Variants in ADD1 observed in about 807,000 individuals in gnomAD.
ADD1 encodes adducin 1, also known as alpha-adducin.
In ADD1, 24 loss-of-function variants were observed where a neutral mutation model predicts 80.5. That is an observed-to-expected ratio of 0.30 (90% CI 0.22 to 0.42). The LOEUF (loss-of-function observed/expected upper bound fraction) is 0.42. ADD1 is among the 10% of genes least tolerant of loss of function. The probability of loss-of-function intolerance (pLI) is 1.00; values close to 1 mark genes in which losing one functional copy is unlikely to be tolerated. For missense variants in ADD1, 948 were observed against 1,019.0 expected (o/e 0.93, Z 0.95); for synonymous variants, 373 against 393.8 (o/e 0.95, Z 0.63).
intron 8 of ADD1, 143 bp downstream of exon 8, chr4:2,898,674 T>G: frequency 4.1e-6 from 3 of 727,570 alleles, no homozygotes; most frequent in South Asian, 1.6e-5. Flanking sequence ...ATTTGGGACT[T>G]GATCAGGACA....
chr4:2,894,122 G>A (rs1734761462), intron 5 of ADD1, 29 bp downstream of exon 5: 1 of 1,555,692 alleles, frequency 6.4e-7, no homozygotes, highest in South Asian at 1.1e-5. Context: ...TTGGCAGCTT[G>A]TATGTGCAGG....
chr4:2,901,687 C>T (rs1235764558), intron 9 of ADD1: 2 of 152,152 alleles, frequency 1.3e-5, no homozygotes, highest in Non-Finnish European at 2.9e-5. Context: ...GTGGCTCACT[C>T]CTGTGATCCC....
Position 2,928,482 on chromosome 4 carries a change from CCGT to C in ADD1, c.2361_2363del (p.Ser788del). The C allele has an allele frequency of 6.2e-7, 1 of 1,613,794 alleles. No homozygotes were observed. The highest frequency in any genetic ancestry group is 1.1e-5 in the South Asian group (1 of 91,074). On this transcript the variant is annotated inframe_deletion, in exon 16 of 16. Transcript: ENST00000683351. Reference sequence around the variant, plus strand: ...CAAAAAGAAGAAGAAGTTCCGTACCCCGTCCTTTCTGAAGAAGAGCAAGAAGAA... The same window carrying C: ...CAAAAAGAAGAAGAAGTTCCGTACCCCCTTTCTGAAGAAGAGCAAGAAGAA...
chr4:2,928,034 T>C (rs1223301459), intron 15 of ADD1, 137 bp from the exon 16 acceptor site: 1 of 784,038 alleles, frequency 1.3e-6, no homozygotes, highest in Non-Finnish European at 2.1e-6. Flanking sequence ...GTAGACCATA[T>C]TTTAAGTTTC....
At chr4:2,866,390 G>C (rs1190818814) in intron 1 of ADD1, among the ~76,000 whole-genome samples, 1 of 152,186 alleles carries the variant, frequency 6.6e-6, no homozygotes, top group Non-Finnish European at 1.5e-5. Context: ...TGGCCAGGCT[G>C]GTCTCAAAGT....
chr4:2,871,143 T>C (rs1201916036), intron 1 of ADD1, among the ~76,000 whole-genome samples: 1 of 152,124 alleles, frequency 6.6e-6, no homozygotes, highest in Admixed American at 6.6e-5. Flanking sequence ...TAATTTTTTT[T>C]TGTATTTTTA....
chr4:2,847,131 A>C (rs1250617902), intron 1 of ADD1, among the ~76,000 whole-genome samples: 1 of 151,742 alleles, frequency 6.6e-6, no homozygotes, highest in Non-Finnish European at 1.5e-5. Context: ...AAAAACAAAA[A>C]CAAAAACAAA....
At chr4:2,903,173 C>T (rs943655120) in intron 9 of ADD1, among the ~76,000 whole-genome samples, 5 of 152,172 alleles carry the variant, frequency 3.3e-5, no homozygotes, top group Admixed American at 6.5e-5. Context: ...GCCAGCAGGG[C>T]ACAGGCCACT....
chr4:2,906,214 G>A (rs553058418), intron 10 of ADD1, among the ~76,000 whole-genome samples: 12 of 152,158 alleles, frequency 7.9e-5, no homozygotes, highest in Non-Finnish European at 5.9e-5. Context: ...GCTCCTGAGC[G>A]GCCGCGTCAC....
intron 13 of ADD1, among the ~76,000 whole-genome samples, chr4:2,910,960 A>G (rs1737918417): frequency 6.6e-6 from 1 of 152,040 alleles, no homozygotes; most frequent in Admixed American, 6.5e-5. Context: ...CTTGATCTTT[A>G]TCCCACTCTG....
intron 13 of ADD1, among the ~76,000 whole-genome samples, chr4:2,909,968 CAA>C (rs35681850): frequency 0.22 from 26,642 of 119,622 alleles, 2,691 homozygotes; most frequent in East Asian, 0.51. Flanking sequence ...ATTTGTACCT[CAA>C]AAAAAAAAAA....
intron 14 of ADD1, among the ~76,000 whole-genome samples, chr4:2,918,927 C>T (rs1433286982): frequency 6.6e-6 from 1 of 151,868 alleles, no homozygotes; most frequent in East Asian, 1.9e-4. Flanking sequence ...TCTTGGTTCA[C>T]TGCAACCTCC....
chr4:2,900,182 GA>G (rs1468295836), intron 9 of ADD1: 1 of 153,456 alleles, frequency 6.5e-6, no homozygotes, highest in East Asian at 1.9e-4. Context: ...CACAGCTGCA[GA>G]CAATGGGAGT....
At chr4:2,911,721 G>A (rs1034891089) in intron 13 of ADD1, among the ~76,000 whole-genome samples, 3 of 152,152 alleles carry the variant, frequency 2.0e-5, no homozygotes, top group African/African-American at 7.2e-5. Context: ...CTCCCAAAAT[G>A]CTGGGATTAT....
rs112078927 is a variant in ADD1, at chr4:2,852,618, C to G, written c.-21+8594C>G. ...CAGAATCACCAGCAATGTCACTGAC[C>G]TAGGGTGTCTGCAGCATTCAGTGTC... On this transcript the variant is annotated intron_variant, in intron 1 of 15. Transcript: ENST00000683351. Among the ~76,000 whole-genome samples, 810 of 151,614 alleles carry G rather than the reference C, an allele frequency of 5.3e-3. 5 individuals are homozygous for G. The highest frequency in any genetic ancestry group is 0.018 in the African/African-American group (760 of 41,298).
intron 13 of ADD1, 30 bp downstream of exon 13, chr4:2,909,461 C>T: frequency 8.6e-6 from 13 of 1,513,816 alleles, no homozygotes; most frequent in Non-Finnish European, 1.2e-5. Flanking sequence ...CACTACCTGT[C>T]TATGCGCCTT....
At chr4:2,915,556 G>T (rs58196520) in intron 14 of ADD1, among the ~76,000 whole-genome samples, 2,905 of 152,322 alleles carry the variant, frequency 0.019, 60 homozygotes, top group African/African-American at 0.046. Context: ...CAGGAGAATG[G>T]CGTGAACGTG....
chr4:2,878,438 T>A (rs1480478797), intron 2 of ADD1, among the ~76,000 whole-genome samples: 2 of 151,880 alleles, frequency 1.3e-5, no homozygotes, highest in African/African-American at 4.8e-5. Context: ...AGAATCAGGA[T>A]AGCACCGAGA....
rs566978911 is a variant in ADD1, at chr4:2,900,752, G to A, written c.1161+1317G>A. 4.6e-5 allele frequency: 7 copies of A among 152,330 alleles called. No individual in the cohort carries two copies. The South Asian group carries it at 1.0e-3, about 23-fold the overall frequency. The allele number at this position is 152,330 out of a possible 1,614,324, so 9.4% of individuals were successfully genotyped here. On this transcript the variant is annotated intron_variant, in intron 9 of 15. Transcript: ENST00000683351. Reference sequence around the variant, plus strand: ...AACTGAGGGTTTTCTGCCTGGGCGCGATAGTCAGTCAGTGGAGTAGACTCA... The same window carrying A: ...AACTGAGGGTTTTCTGCCTGGGCGCAATAGTCAGTCAGTGGAGTAGACTCA...
Sources: gnomAD v4.1 joint callset for allele counts (sites outside exome capture counted in the v4.1 genomes callset) on GRCh38, gnomAD v4.1.1 for gene constraint, MANE v1.5 for transcripts, NCBI Gene and HGNC (gene_info 2026-07-23, HGNC 2026-07-21) for gene names.